Variants in OTOGL observed in about 807,000 individuals in gnomAD.
OTOGL encodes otogelin like, also known as otogelin-like protein.
Under a neutral mutation model 318.5 loss-of-function variants are expected in OTOGL, and 285 were observed. The ratio of observed to expected loss-of-function variants is 0.89; its 90% CI spans 0.81 to 0.99. OTOGL has a LOEUF of 0.99. Among genes scored for constraint, OTOGL ranks in the 50% least tolerant of loss-of-function variants. The probability of loss-of-function intolerance (pLI) is 0.00; values close to 1 mark genes in which losing one functional copy is unlikely to be tolerated. For missense variants in OTOGL, 2,899 were observed against 2,845.6 expected, an observed-to-expected ratio of 1.02 and a Z score of -0.43; for synonymous variants, 987 against 936.5, an observed-to-expected ratio of 1.05 and a Z score of -0.99.
chr12:80,239,251 G>A (rs370029974), intron 10 of OTOGL, 82 bp from the exon 11 acceptor site: 12 of 1,136,660 alleles, frequency 1.1e-5, no homozygotes, highest in Middle Eastern at 2.0e-4. Context: ...TGAAAATCTT[G>A]CAAATAGATC....
chr12:80,128,794 G>T (rs899126333), intron 1 of OTOGL, among the ~76,000 whole-genome samples: 1 of 152,190 alleles, frequency 6.6e-6, no homozygotes, highest in Non-Finnish European at 1.5e-5. Flanking sequence ...TCAGACTGCT[G>T]TGCTAGCAAT....
At position 80,266,676 on chromosome 12, in the gene OTOGL, T is replaced by C. The variant is rs1187937578; in HGVS notation, c.2390+60T>C. The stretch of plus-strand genomic sequence containing the variant: ...TTAATCTCTTTTTCTCCTTACGGGC[T>C]AAATGAGCTTTCATGGAAGTTTTTG... On this transcript the variant is annotated intron_variant, in intron 21 of 58. Coordinates refer to ENST00000547103, the MANE Select transcript of OTOGL (RefSeq NM_001378609.3). 17 of 1,459,856 alleles carry C rather than the reference T, an allele frequency of 1.2e-5. No homozygotes were observed. The South Asian group carries it at 1.7e-4, about 15-fold the overall frequency. 90.4% of individuals were successfully genotyped at this position (1,459,856 alleles called of 1,614,324 possible).
chr12:80,146,802 G>A (rs1311274447), intron 1 of OTOGL, among the ~76,000 whole-genome samples: 5 of 148,452 alleles, frequency 3.4e-5, no homozygotes, highest in African/African-American at 4.9e-5. Flanking sequence ...TGTATGTGTC[G>A]AGGAATTTAT....
At chr12:80,191,390 A>G (rs1170531549) in intron 1 of OTOGL, among the ~76,000 whole-genome samples, 2 of 152,198 alleles carry the variant, frequency 1.3e-5, no homozygotes, top group African/African-American at 4.8e-5. Flanking sequence ...GTGAGCCAAG[A>G]TCGTGCCACT....
At chr12:80,369,182 AC>A in intron 55 of OTOGL, among the ~76,000 whole-genome samples, 1 of 152,166 alleles carries the variant, frequency 6.6e-6, no homozygotes, top group South Asian at 2.1e-4. Context: ...AAATATGCAA[AC>A]AAATTAGAAA....
chr12:80,291,040 A>G (rs1278748907), intron 26 of OTOGL, among the ~76,000 whole-genome samples: 1 of 152,180 alleles, frequency 6.6e-6, no homozygotes, highest in African/African-American at 2.4e-5. Context: ...AGTAGAGAAA[A>G]TGTAGCATTT....
intron 1 of OTOGL, among the ~76,000 whole-genome samples, chr12:80,193,545 G>T (rs1456321139): frequency 4.6e-5 from 7 of 151,632 alleles, no homozygotes; most frequent in Non-Finnish European, 8.8e-5. Flanking sequence ...TAATAATAAG[G>T]TTAGCATATA....
chr12:80,335,055 A>G (rs1565992963), intron 38 of OTOGL, among the ~76,000 whole-genome samples: 1 of 152,162 alleles, frequency 6.6e-6, no homozygotes, highest in Non-Finnish European at 1.5e-5. Flanking sequence ...AATGATAGAA[A>G]CTGATCCAAA....
At chr12:80,370,362 T>A (rs1461622218) in intron 55 of OTOGL, among the ~76,000 whole-genome samples, 1 of 151,936 alleles carries the variant, frequency 6.6e-6, no homozygotes, top group East Asian at 1.9e-4. Context: ...TGTATGTATT[T>A]TTATCATTTT....
rs370474005 is a variant in OTOGL, at chr12:80,175,847, T to C, written c.-19-33566T>C. On this transcript the variant is annotated intron_variant, in intron 1 of 58. Coordinates refer to ENST00000547103, the MANE Select transcript of OTOGL (RefSeq NM_001378609.3). ...GACTGCTTAGATTTAGATATCTATT[T>C]GAACAATGGTTGAAGGAAGTTCTTT... Among the ~76,000 whole-genome samples the C allele has an allele frequency of 7.6e-4, 116 of 152,362 alleles. No individual in the cohort carries two copies. The Middle Eastern group carries it at 0.017, about 22-fold the overall frequency.
chr12:80,101,656 A>AG (rs1422328386), intron 1 of OTOGL, among the ~76,000 whole-genome samples: 1 of 152,216 alleles, frequency 6.6e-6, no homozygotes, highest in African/African-American at 2.4e-5. Flanking sequence ...TCATATAATC[A>AG]TCACAGTAAG....
chr12:80,249,846 G>A (rs1362053665), intron 11 of OTOGL, among the ~76,000 whole-genome samples: 2 of 152,312 alleles, frequency 1.3e-5, no homozygotes, highest in African/African-American at 4.8e-5. Context: ...CTCCGAGGCA[G>A]GTGTGGGATA....
chr12:80,274,719 G>C lies in OTOGL; in HGVS notation c.2681+2909G>C, dbSNP rs542131769. ...TTGGCTTCAAAGTTTCCACGGACAG[G>C]CTGACTCTCTTGTTAGGGGCTAAGG... On this transcript the variant is annotated intron_variant, in intron 24 of 58. Coordinates refer to ENST00000547103, the MANE Select transcript of OTOGL (RefSeq NM_001378609.3). 2.6e-5 allele frequency among the ~76,000 whole-genome samples: 4 copies of C among 152,106 alleles called. No homozygotes were observed. The South Asian group carries it at 8.3e-4, about 31-fold the overall frequency.
intron 1 of OTOGL, among the ~76,000 whole-genome samples, chr12:80,114,516 C>G (rs140831424): frequency 3.3e-5 from 5 of 152,124 alleles, no homozygotes; most frequent in African/African-American, 1.2e-4. Context: ...TGTGGGTAAC[C>G]TGACCTTTCT....
At chr12:80,252,320 GT>G in intron 13 of OTOGL, 119 bp downstream of exon 13, 1 of 1,151,388 alleles carries the variant, frequency 8.7e-7, no homozygotes, top group Non-Finnish European at 1.1e-6. Context: ...GCAATTTTCT[GT>G]TCTTGTAGAA....
intron 1 of OTOGL, among the ~76,000 whole-genome samples, chr12:80,166,177 T>A (rs1873816267): frequency 1.4e-5 from 2 of 144,568 alleles, no homozygotes; most frequent in South Asian, 4.5e-4. Flanking sequence ...TTTCCTTTCC[T>A]CTCTCCCTCC....
intron 1 of OTOGL, among the ~76,000 whole-genome samples, chr12:80,120,858 T>C (rs11114324): frequency 0.54 from 82,195 of 151,952 alleles, 22,384 homozygotes; most frequent in Non-Finnish European, 0.58. Context: ...CAGATCCTGC[T>C]TTCAGAACAA....
chr12:80,378,613 T>C lies in OTOGL; in HGVS notation c.*565T>C, dbSNP rs1389878722. 6.6e-6 allele frequency: 1 copy of C among 152,634 alleles called. No homozygotes were observed. Among genetic ancestry groups the C allele is most frequent in the Non-Finnish European group, 1.5e-5 (1 of 68,354 alleles). 9.5% of individuals were successfully genotyped at this position (152,634 alleles called of 1,614,324 possible). A position where few individuals can be genotyped will look rare whatever the true frequency, so the allele number is the denominator to read the frequency against. ...GTAACAGATAACCAGAGAAGCTGTGTGACTCGTACAAATTTATTCAGTGTA... is the reference window on the plus strand; with the variant it reads ...GTAACAGATAACCAGAGAAGCTGTGCGACTCGTACAAATTTATTCAGTGTA... On this transcript the variant is annotated 3_prime_UTR_variant, in exon 59 of 59. Transcript: ENST00000547103.
chr12:80,286,873 T>G (rs1019541594), intron 26 of OTOGL, among the ~76,000 whole-genome samples: 1 of 152,188 alleles, frequency 6.6e-6, no homozygotes, highest in African/African-American at 2.4e-5. Context: ...ATTTTTCGTG[T>G]CTCTATCTCC....
Sources: gnomAD v4.1 joint callset for allele counts (sites outside exome capture counted in the v4.1 genomes callset) on GRCh38, gnomAD v4.1.1 for gene constraint, MANE v1.5 for transcripts, NCBI Gene and HGNC (gene_info 2026-07-23, HGNC 2026-07-21) for gene names.